Variants in RALB observed in about 807,000 individuals in gnomAD.
RALB encodes ras-related protein Ral-B.
In RALB, 16 loss-of-function variants were observed where a neutral mutation model predicts 21.3. The ratio of observed to expected loss-of-function variants is 0.75; its 90% CI spans 0.51 to 1.14. The LOEUF is 1.14. Ranked by LOEUF, RALB falls within the 50% of genes most tolerant of loss-of-function variation. RALB has a pLI of 0.00. For missense variants in RALB, 161 were observed against 256.2 expected (o/e 0.63, Z 2.54); for synonymous variants, 93 against 96.1 (o/e 0.97, Z 0.19).
At chr2:120,279,993 G>A (rs931947646) in intron 2 of RALB, among the ~76,000 whole-genome samples, 2 of 152,250 alleles carry the variant, frequency 1.3e-5, no homozygotes, top group East Asian at 3.9e-4. Flanking sequence ...GGCGATTATC[G>A]CTGGCTGCAG....
chr2:120,278,482 G>T (rs191302652), intron 1 of RALB, 136 bp from the exon 2 acceptor site: 33 of 850,508 alleles, frequency 3.9e-5, no homozygotes, highest in Non-Finnish European at 4.1e-5. Context: ...TCGCATGTCT[G>T]CCCTGAGCCT....
chr2:120,291,497 C>T (rs759330262), intron 4 of RALB, among the ~76,000 whole-genome samples: 18 of 152,078 alleles, frequency 1.2e-4, no homozygotes, highest in African/African-American at 2.4e-4. Flanking sequence ...GATGGGTTGT[C>T]GCGTGGGGGG....
chr2:120,252,696 C>A, upstream of RALB: 1 of 859,624 alleles, frequency 1.2e-6, no homozygotes, highest in South Asian at 5.3e-5. Flanking sequence ...GTGAAACCTC[C>A]TCCCCGGCCG....
upstream of RALB, among the ~76,000 whole-genome samples, chr2:120,248,509 T>C (rs940095945): frequency 2.6e-5 from 4 of 151,902 alleles, no homozygotes; most frequent in Admixed American, 2.0e-4. Context: ...TCTTGCTCCC[T>C]TCCTCCTGCA....
intron 1 of RALB, among the ~76,000 whole-genome samples, chr2:120,260,393 A>G (rs1689332663): frequency 1.3e-5 from 2 of 152,230 alleles, no homozygotes; most frequent in Non-Finnish European, 2.9e-5. Context: ...CAAGAATTCT[A>G]TTTTGGGAAT....
intron 2 of RALB, among the ~76,000 whole-genome samples, chr2:120,279,226 G>A (rs1229769032): frequency 6.6e-6 from 1 of 152,156 alleles, no homozygotes; most frequent in Non-Finnish European, 1.5e-5. Flanking sequence ...GTGCGGCAAG[G>A]TAAAGCTTGC....
At chr2:120,279,512 T>A (rs1386812883) in intron 2 of RALB, among the ~76,000 whole-genome samples, 1 of 152,200 alleles carries the variant, frequency 6.6e-6, no homozygotes, top group African/African-American at 2.4e-5. Flanking sequence ...ATGTAACAAC[T>A]GTTTGCGTAG....
At chr2:120,280,428 A>G (rs778380175) in intron 2 of RALB, among the ~76,000 whole-genome samples, 3 of 152,144 alleles carry the variant, frequency 2.0e-5, no homozygotes, top group African/African-American at 4.8e-5. Flanking sequence ...GCTGGAAACC[A>G]TCACTCTCAG....
intron 1 of RALB, among the ~76,000 whole-genome samples, chr2:120,241,868 CA>C: frequency 6.6e-6 from 1 of 152,282 alleles, no homozygotes; most frequent in East Asian, 1.9e-4. Context: ...GATGGTTCCT[CA>C]AAAAATGAAG....
At chr2:120,278,066 A>T (rs941626745) in intron 1 of RALB, among the ~76,000 whole-genome samples, 3 of 145,642 alleles carry the variant, frequency 2.1e-5, no homozygotes, top group Non-Finnish European at 3.0e-5. Flanking sequence ...AGCGTGTGTG[A>T]GTGTGAGCAT....
At chr2:120,247,403 A>C (rs3980213) in intron 1 of RALB, among the ~76,000 whole-genome samples, 1 of 152,182 alleles carries the variant, frequency 6.6e-6, no homozygotes, top group East Asian at 1.9e-4. Flanking sequence ...CTCCTTTAGC[A>C]AATGACTTGG....
At chr2:120,250,111 A>T (rs1236133524), upstream of RALB, among the ~76,000 whole-genome samples, 1 of 152,110 alleles carries the variant, frequency 6.6e-6, no homozygotes, top group South Asian at 2.1e-4. Flanking sequence ...ATAATTTGTA[A>T]TTTTTGGGGT....
At chr2:120,268,590 C>T (rs766024314) in intron 1 of RALB, among the ~76,000 whole-genome samples, 1 of 152,094 alleles carries the variant, frequency 6.6e-6, no homozygotes, top group Non-Finnish European at 1.5e-5. Flanking sequence ...GGGGGTGTTG[C>T]TTGAGCCCAA....
At chr2:120,254,954 G>A (rs1689160866) in intron 1 of RALB, among the ~76,000 whole-genome samples, 1 of 152,204 alleles carries the variant, frequency 6.6e-6, no homozygotes, top group African/African-American at 2.4e-5. Context: ...GGGGATCACA[G>A]GTGTGAGCCA....
chr2:120,263,772 C>T lies in RALB; in HGVS notation c.-48+10792C>T, dbSNP rs545636651. ...CTCGAACTCCTGAGCTCAAGCATTC[C>T]GCCCGCCTCAGCCTCCTAAAGTGCT... On this transcript the variant is annotated intron_variant, in intron 1 of 4. Coordinates refer to ENST00000272519, the MANE Select transcript of RALB (RefSeq NM_002881.3). 3.6e-4 allele frequency among the ~76,000 whole-genome samples: 55 copies of T among 152,232 alleles called. No homozygotes were observed. The East Asian group carries it at 8.7e-3, about 24-fold the overall frequency.
chr2:120,249,200 T>C (rs1395248762), upstream of RALB, among the ~76,000 whole-genome samples: 1 of 151,864 alleles, frequency 6.6e-6, no homozygotes, highest in Non-Finnish European at 1.5e-5. Flanking sequence ...GCCTGGCTAA[T>C]TTTTTTGTAT....
chr2:120,267,290 T>C (rs1689528696), intron 1 of RALB, among the ~76,000 whole-genome samples: 1 of 152,208 alleles, frequency 6.6e-6, no homozygotes, highest in Non-Finnish European at 1.5e-5. Context: ...TCCTTAGGCA[T>C]ACAGGAGGGC....
chr2:120,242,611 G>A (rs56271009), intron 1 of RALB, among the ~76,000 whole-genome samples: 118 of 152,156 alleles, frequency 7.8e-4, no homozygotes, highest in Non-Finnish European at 1.4e-3. Context: ...GGTGGCAGGC[G>A]CCTGTTGTCC....
At chr2:120,279,703 CA>C (rs67499043) in intron 2 of RALB, among the ~76,000 whole-genome samples, 36,082 of 152,026 alleles carry the variant, frequency 0.24, 6,671 homozygotes, top group African/African-American at 0.52. Flanking sequence ...GTAGTACAGG[CA>C]GGGAGAGTGT....
Sources: gnomAD v4.1 joint callset for allele counts (sites outside exome capture counted in the v4.1 genomes callset) on GRCh38, gnomAD v4.1.1 for gene constraint, MANE v1.5 for transcripts, NCBI Gene and HGNC (gene_info 2026-07-23, HGNC 2026-07-21) for gene names.